Variants in DNAH17 observed in about 807,000 individuals in gnomAD.
DNAH17 encodes axonemal beta dynein heavy chain 17.
In DNAH17, 376 loss-of-function variants were observed where a neutral mutation model predicts 485.6. The ratio of observed to expected loss-of-function variants is 0.77; its 90% confidence interval spans 0.71 to 0.84. The LOEUF is 0.84. DNAH17 is among the 40% of genes least tolerant of loss of function. DNAH17 has a pLI of 0.00. For missense variants in DNAH17, 6,370 were observed against 5,839.3 expected (o/e 1.09, Z -2.96); for synonymous variants, 3,031 against 2,405.9 (o/e 1.26, Z -7.60).
At chr17:78,468,543 G>A in intron 55 of DNAH17, 74 bp downstream of exon 55, 2 of 1,513,346 alleles carry the variant, frequency 1.3e-6, no homozygotes, top group Non-Finnish European at 1.8e-6. Context: ...TCTATGCAGA[G>A]CAAAAACCCA....
In DNAH17 at chr17:78,450,391, C is replaced by A. The variant is rs760089602; in HGVS notation, c.10903G>T (p.Val3635Leu). 1 of 1,613,874 alleles carries A rather than the reference C, an allele frequency of 6.2e-7. No individual in the cohort carries two copies. Among genetic ancestry groups the A allele is most frequent in the South Asian group, 1.1e-5 (1 of 91,048 alleles). The change falls in exon 68 of 81, where the codon GTG becomes TTG. Residue 3635 changes from valine (V) to leucine (L), a missense_variant. Physicochemically the swap from Val to Leu is conservative, Grantham distance 32 (BLOSUM62 1). Coordinates refer to ENST00000389840, the MANE Select transcript of DNAH17 (RefSeq NM_173628.4). ...HTASEIEEKV[V>L]EAKITEVKIN... ...TTAACTTCTGTGATTTTTGCCTCCA[C>A]CACCTCGACACAAACAAAAGGGGTG...
At chr17:78,442,800 G>T (rs1033777625) in intron 71 of DNAH17, among the ~76,000 whole-genome samples, 1 of 152,204 alleles carries the variant, frequency 6.6e-6, no homozygotes, top group African/African-American at 2.4e-5. Context: ...TTTGTGTTGC[G>T]CACGTGGGGG....
chr17:78,573,409 G>A (rs1381364177), intron 2 of DNAH17, among the ~76,000 whole-genome samples: 1 of 152,024 alleles, frequency 6.6e-6, no homozygotes, highest in African/African-American at 2.4e-5. Flanking sequence ...GACCAGCCTG[G>A]CCAACATGGT....
chr17:78,572,969 G>A (rs747634981), intron 2 of DNAH17, 75 bp from the exon 3 acceptor site: 38 of 1,389,988 alleles, frequency 2.7e-5, no homozygotes, highest in Admixed American at 1.7e-4. Flanking sequence ...CCAGGTCCCC[G>A]GGGGGTTCCA....
At chr17:78,508,458 T>C (rs1375993537) in intron 27 of DNAH17, among the ~76,000 whole-genome samples, 1 of 152,240 alleles carries the variant, frequency 6.6e-6, no homozygotes, top group Non-Finnish European at 1.5e-5. Flanking sequence ...CTAACTGTGT[T>C]TTGGAGTCTT....
chr17:78,424,315 G>T, intron 80 of DNAH17, 162 bp from the exon 81 acceptor site: 1 of 819,378 alleles, frequency 1.2e-6, no homozygotes, highest in South Asian at 1.9e-5. Flanking sequence ...GGCCTTCGTA[G>T]GTGATGGCCT....
chr17:78,476,340 TGCCGGAGTTATCGCGTGGAACCCTC>T (rs1192157880), intron 52 of DNAH17, among the ~76,000 whole-genome samples: 3 of 92,158 alleles, frequency 3.3e-5, no homozygotes, highest in African/African-American at 1.6e-4. Context: ...CACAGCCACG[TGCCGGAGTTATCGCGTGGAACCCTC>T]GGACCCACAG....
intron 13 of DNAH17, among the ~76,000 whole-genome samples, chr17:78,558,500 C>CCCTCATGGGTGGATGACATCAA (rs2092078410): frequency 6.8e-6 from 1 of 147,892 alleles, no homozygotes; most frequent in Non-Finnish European, 1.5e-5. Flanking sequence ...GATGACATCA[C>CCCTCATGGGTGGATGACATCAA]CCTCATGGGT....
At chr17:78,456,818 C>A (rs1264802735) in intron 62 of DNAH17, among the ~76,000 whole-genome samples, 2 of 152,116 alleles carry the variant, frequency 1.3e-5, no homozygotes, top group Non-Finnish European at 2.9e-5. Context: ...GGGGCACCAC[C>A]CTGAAGACCA....
At position 78,502,684 on chromosome 17, in the gene DNAH17, G is replaced by A. The variant is rs1392012134; in HGVS notation, c.5097C>T (p.Cys1699=). The A allele has an allele frequency of 6.2e-7, 1 of 1,611,858 alleles. No individual in the cohort carries two copies. The highest frequency in any genetic ancestry group is 1.1e-5 in the South Asian group (1 of 91,026). Residue 1699 remains cysteine, a synonymous_variant, in exon 33 of 81, where the codon TGC becomes TGT. Transcript: ENST00000389840. ...CCTCGGTCGTCCACCAGATCTGGGT[G>A]CAAGTCAGGGCCACCTGAAAGTACA... ...LDYPAQVALT[C]TQIWWTTEVG...
intron 54 of DNAH17, among the ~76,000 whole-genome samples, chr17:78,471,180 G>T (rs1038666563): frequency 6.6e-6 from 1 of 152,226 alleles, no homozygotes; most frequent in African/African-American, 2.4e-5. Context: ...TCCTTCGGAA[G>T]CAAGTCCGAC....
At chr17:78,469,317 AT>A (rs2088639448) in intron 54 of DNAH17, among the ~76,000 whole-genome samples, 1 of 152,090 alleles carries the variant, frequency 6.6e-6, no homozygotes, top group Non-Finnish European at 1.5e-5. Context: ...AATTTTTTGT[AT>A]TTTAAGTAGA....
At chr17:78,428,976 C>T in intron 76 of DNAH17, 145 bp downstream of exon 76, 1 of 820,980 alleles carries the variant, frequency 1.2e-6, no homozygotes. Flanking sequence ...GTGCTTCTTC[C>T]AAGTGAGACG....
intron 5 of DNAH17, 114 bp downstream of exon 5, chr17:78,571,161 TGAGA>T: frequency 7.8e-7 from 1 of 1,282,136 alleles, no homozygotes; most frequent in South Asian, 1.3e-5. Flanking sequence ...TGGAGGGGGC[TGAGA>T]AAGCTGCTCG....
rs76641546 is a variant in DNAH17 at position 78,492,712 on chromosome 17, G to A, written c.6462C>T (p.Ala2154=). The A allele has an allele frequency of 9.7e-3, 15,610 of 1,613,046 alleles. 91 individuals are homozygous for A. Among genetic ancestry groups the A allele is most frequent in the Non-Finnish European group, 0.012 (14,057 of 1,179,530 alleles). Residue 2154 remains alanine, a synonymous_variant, in exon 42 of 81, where the codon GCC becomes GCT. Transcript: ENST00000389840. The stretch of plus-strand genomic sequence containing the variant: ...TGACGGCCTTGGGGTCCAGGTCCAC[G>A]GCGACCGGCTTCCTCTTCAGGTTCT... ...TYQNLKRKPV[A]VDLDPKAVTC...
At chr17:78,538,963 T>C (rs2091451613) in intron 18 of DNAH17, among the ~76,000 whole-genome samples, 1 of 152,228 alleles carries the variant, frequency 6.6e-6, no homozygotes, top group Non-Finnish European at 1.5e-5. Context: ...CTGGGCACAG[T>C]GGTTCACGCC....
At chr17:78,507,407 G>T (rs766837438) in intron 28 of DNAH17, 38 bp from the exon 29 acceptor site, 2 of 1,613,454 alleles carry the variant, frequency 1.2e-6, no homozygotes, top group Non-Finnish European at 1.7e-6. Flanking sequence ...ATTAGGGATC[G>T]CCACACACAG....
intron 18 of DNAH17, 114 bp from the exon 19 acceptor site, chr17:78,537,595 T>G: frequency 8.0e-7 from 1 of 1,248,464 alleles, no homozygotes. Context: ...TCCACTTATC[T>G]GGGAAGCTTC....
Position 78,526,696 on chromosome 17 carries a change from G to C in DNAH17, c.3666C>G (p.Ala1222=), listed in dbSNP as rs552828573. ...HEFRERFRRE[A]PFSFSDPNPY... ...GGTTGGGGTCGCTGAAGGAGAACGG[G>C]GCCTCGCGCCTGAACCTCTCCCTGA... Residue 1222 remains alanine, a synonymous_variant, in exon 24 of 81, where the codon GCC becomes GCG. Transcript: ENST00000389840. The C allele has an allele frequency of 9.9e-6, 16 of 1,611,076 alleles. No homozygotes were observed. The African/African-American group carries it at 1.2e-4, about 12-fold the overall frequency.
Sources: gnomAD v4.1 joint callset for allele counts (sites outside exome capture counted in the v4.1 genomes callset) on GRCh38, gnomAD v4.1.1 for gene constraint, MANE v1.5 for transcripts, NCBI Gene and HGNC (gene_info 2026-07-23, HGNC 2026-07-21) for gene names.